PDE4D: variants seen among roughly 807,000 people sequenced by gnomAD.
The protein encoded by PDE4D is 3',5'-cyclic-AMP phosphodiesterase 4D.
Under a neutral mutation model 87.4 loss-of-function variants are expected in PDE4D, and 24 were observed. That is an observed-to-expected ratio of 0.27 (90% CI 0.20 to 0.39). PDE4D has a LOEUF of 0.39. PDE4D is among the 10% of genes least tolerant of loss of function. The pLI, the probability that PDE4D is intolerant of heterozygous loss-of-function variation, is 1.00. For missense variants in PDE4D, 714 were observed against 1,041.0 expected, an observed-to-expected ratio of 0.69 and a Z score of 4.32; for synonymous variants, 384 against 383.2, an observed-to-expected ratio of 1.00 and a Z score of -0.02.
intron 1 of PDE4D, among the ~76,000 whole-genome samples, chr5:60,384,286 C>T (rs1418259279): frequency 6.6e-6 from 1 of 152,114 alleles, no homozygotes; most frequent in Non-Finnish European, 1.5e-5. Context: ...GCAAATCATG[C>T]CACCCTATAA....
At chr5:59,034,294 C>T (rs1294540953) in intron 6 of PDE4D, among the ~76,000 whole-genome samples, 1 of 152,068 alleles carries the variant, frequency 6.6e-6, no homozygotes, top group Non-Finnish European at 1.5e-5. Flanking sequence ...TGTATTTAGG[C>T]ATATTAACAC....
At chr5:60,378,152 T>C (rs1761570439) in intron 1 of PDE4D, among the ~76,000 whole-genome samples, 1 of 152,206 alleles carries the variant, frequency 6.6e-6, no homozygotes, top group Non-Finnish European at 1.5e-5. Flanking sequence ...GTAATGATAG[T>C]AATCCCAAAA....
At chr5:59,794,064 C>T (rs1222604405) in intron 1 of PDE4D, among the ~76,000 whole-genome samples, 3 of 152,000 alleles carry the variant, frequency 2.0e-5, no homozygotes, top group African/African-American at 2.4e-5. Context: ...TGCACACACA[C>T]AGATGCACAT....
intron 2 of PDE4D, among the ~76,000 whole-genome samples, chr5:60,052,185 T>C (rs1582399578): frequency 6.6e-6 from 1 of 152,272 alleles, no homozygotes; most frequent in Non-Finnish European, 1.5e-5. Flanking sequence ...CCCTAACTCA[T>C]TTTATGAAGC....
intron 1 of PDE4D, among the ~76,000 whole-genome samples, chr5:59,640,270 T>C (rs964983611): frequency 6.6e-6 from 1 of 152,192 alleles, no homozygotes; most frequent in Non-Finnish European, 1.5e-5. Flanking sequence ...TGTTTTTCTG[T>C]TGTTCAAAGC....
chr5:59,587,357 T>C, intron 1 of PDE4D: 2 of 753,126 alleles, frequency 2.7e-6, no homozygotes, highest in Non-Finnish European at 3.2e-6. Flanking sequence ...TCAATCTCTT[T>C]TGTTTTTCAC....
chr5:59,612,784 T>C (rs879757657), intron 1 of PDE4D, among the ~76,000 whole-genome samples: 7 of 152,074 alleles, frequency 4.6e-5, no homozygotes, highest in Non-Finnish European at 1.0e-4. Flanking sequence ...CATATCAGGC[T>C]GATGCAAGTT....
intron 1 of PDE4D, among the ~76,000 whole-genome samples, chr5:59,520,929 T>A (rs550089277): frequency 6.6e-6 from 1 of 152,070 alleles, no homozygotes; most frequent in East Asian, 1.9e-4. Context: ...TGTGTGTCTG[T>A]ATGTGTGTAT....
At chr5:59,098,534 CAAAAAATTAAAAAA>C (rs1448000095) in intron 5 of PDE4D, among the ~76,000 whole-genome samples, 6 of 93,472 alleles carry the variant, frequency 6.4e-5, no homozygotes, top group Non-Finnish European at 1.3e-4. Flanking sequence ...CTCATCTCTA[CAAAAAATTAAAAAA>C]AAAAAAATTG....
At chr5:59,969,370 G>T (rs1760438571) in intron 3 of PDE4D, among the ~76,000 whole-genome samples, 1 of 152,146 alleles carries the variant, frequency 6.6e-6, no homozygotes, top group African/African-American at 2.4e-5. Context: ...TGGAAGAATG[G>T]AATTATAATT....
intron 1 of PDE4D, among the ~76,000 whole-genome samples, chr5:59,368,655 G>GA (rs1783467044): frequency 6.6e-6 from 1 of 152,162 alleles, no homozygotes; most frequent in African/African-American, 2.4e-5. Flanking sequence ...AATTACTGTG[G>GA]AATATGATAC....
chr5:59,060,594 T>C (rs1580582103), intron 5 of PDE4D, among the ~76,000 whole-genome samples: 2 of 152,222 alleles, frequency 1.3e-5, no homozygotes, highest in East Asian at 1.9e-4. Context: ...GTAAATTGCA[T>C]GTCATGGGGT....
At chr5:59,620,563 C>A (rs1830231633) in intron 1 of PDE4D, among the ~76,000 whole-genome samples, 2 of 152,008 alleles carry the variant, frequency 1.3e-5, no homozygotes, top group South Asian at 4.1e-4. Flanking sequence ...AAACTGAAGT[C>A]AAGATCAGTG....
At chr5:60,065,112 C>A (rs1771905896) in intron 2 of PDE4D, among the ~76,000 whole-genome samples, 1 of 152,080 alleles carries the variant, frequency 6.6e-6, no homozygotes, top group African/African-American at 2.4e-5. Flanking sequence ...TTGTGCTCAA[C>A]TCAAAAGGAT....
At chr5:60,438,217 C>T (rs1039067992) in intron 1 of PDE4D, among the ~76,000 whole-genome samples, 37 of 152,212 alleles carry the variant, frequency 2.4e-4, no homozygotes, top group African/African-American at 7.7e-4. Context: ...AGGGAATTTA[C>T]ACTTGCAAGT....
At chr5:59,161,035 G>T (rs1312086282) in intron 5 of PDE4D, among the ~76,000 whole-genome samples, 1 of 152,188 alleles carries the variant, frequency 6.6e-6, no homozygotes, top group Non-Finnish European at 1.5e-5. Flanking sequence ...GGTGGAGGTT[G>T]CAGTGAGCCG....
chr5:60,266,747 C>T (rs966110785), intron 1 of PDE4D, among the ~76,000 whole-genome samples: 1 of 152,222 alleles, frequency 6.6e-6, no homozygotes, highest in African/African-American at 2.4e-5. Context: ...AGGAGGAAGA[C>T]ACCCAAGTTA....
chr5:60,032,622 T>C (rs1442031508), intron 2 of PDE4D, among the ~76,000 whole-genome samples: 2 of 152,218 alleles, frequency 1.3e-5, no homozygotes, highest in African/African-American at 4.8e-5. Context: ...ATGAAACATC[T>C]CTTAGCTGCT....
chr5:59,861,515 G>A (rs1464935990), intron 1 of PDE4D, among the ~76,000 whole-genome samples: 1 of 152,120 alleles, frequency 6.6e-6, no homozygotes, highest in African/African-American at 2.4e-5. Flanking sequence ...ATTACATGGA[G>A]CAACCATTCG....
Sources: allele counts gnomAD v4.1 joint callset (sites outside exome capture counted in the v4.1 genomes callset), GRCh38; gene constraint gnomAD v4.1.1; transcripts MANE v1.5; gene names NCBI Gene and HGNC (gene_info 2026-07-23, HGNC 2026-07-21).